The following BRINP2 variants were observed in gnomAD, a reference collection of about 807,000 sequenced individuals.
The protein encoded by BRINP2 is BMP/retinoic acid inducible neural specific 2.
BRINP2 carries 21 observed loss-of-function variants against 69.2 expected under a neutral mutation model. The ratio of observed to expected loss-of-function variants is 0.30; its 90% confidence interval spans 0.22 to 0.44. The LOEUF (loss-of-function observed/expected upper bound fraction) is 0.44. BRINP2 is among the 20% of genes least tolerant of loss of function. The pLI is 1.00. For missense variants in BRINP2, 877 were observed against 986.0 expected (o/e 0.89, Z 1.48); for synonymous variants, 380 against 394.1 (o/e 0.96, Z 0.42).
chr1:177,274,613 T>A (rs1651438039), intron 5 of BRINP2, among the ~76,000 whole-genome samples: 1 of 152,230 alleles, frequency 6.6e-6, no homozygotes, highest in Non-Finnish European at 1.5e-5. Flanking sequence ...GTCTAGTTGT[T>A]CATTTGGAAT....
intron 1 of BRINP2, among the ~76,000 whole-genome samples, chr1:177,198,110 G>T (rs1648797533): frequency 6.6e-6 from 1 of 152,092 alleles, no homozygotes; most frequent in Non-Finnish European, 1.5e-5. Flanking sequence ...AAGAAAATGT[G>T]AACTAAGGTC....
rs527287908 is a variant in BRINP2 at position 177,217,713 on chromosome 1, T to C, written c.-76-12088T>C. On this transcript the variant is annotated intron_variant, in intron 1 of 7. Coordinates refer to ENST00000361539, the MANE Select transcript of BRINP2 (RefSeq NM_021165.4). The stretch of plus-strand genomic sequence containing the variant: ...TGGATGGGTCATTCTGGATGAGTAA[T>C]GATCCTGGAAAGGCAGGCTTGCTTT... Among the ~76,000 whole-genome samples, 21 of 152,304 alleles carry C rather than the reference T, an allele frequency of 1.4e-4. No individual in the cohort carries two copies. In the South Asian group the frequency reaches 4.3e-3, roughly 32 times the overall value.
chr1:177,231,857 A>T (rs1406214941), intron 2 of BRINP2, among the ~76,000 whole-genome samples: 1 of 152,232 alleles, frequency 6.6e-6, no homozygotes, highest in Admixed American at 6.5e-5. Context: ...TGAGTAGAAG[A>T]GGAACAGAGT....
At chr1:177,242,800 C>T (rs1650248624) in intron 2 of BRINP2, among the ~76,000 whole-genome samples, 1 of 152,086 alleles carries the variant, frequency 6.6e-6, no homozygotes, top group South Asian at 2.1e-4. Flanking sequence ...AGGATGAAAC[C>T]ATTCAGTAGG....
intron 1 of BRINP2, among the ~76,000 whole-genome samples, chr1:177,227,281 T>A (rs924959054): frequency 6.6e-6 from 1 of 152,210 alleles, no homozygotes; most frequent in Non-Finnish European, 1.5e-5. Flanking sequence ...TGCCTTGGCC[T>A]CCAGTATCAG....
chr1:177,186,135 C>T (rs1258477336), intron 1 of BRINP2, among the ~76,000 whole-genome samples: 2 of 152,118 alleles, frequency 1.3e-5, no homozygotes, highest in Non-Finnish European at 1.5e-5. Context: ...CTGGCCATCC[C>T]GCTGACAACT....
intron 2 of BRINP2, among the ~76,000 whole-genome samples, chr1:177,241,325 A>G (rs1650200205): frequency 6.6e-6 from 1 of 152,176 alleles, no homozygotes; most frequent in African/African-American, 2.4e-5. Context: ...TCTTTTGGAA[A>G]TCGAATCATA....
chr1:177,274,672 C>T (rs536608923), intron 5 of BRINP2, among the ~76,000 whole-genome samples: 22 of 152,180 alleles, frequency 1.4e-4, no homozygotes, highest in African/African-American at 2.2e-4. Context: ...AGACATTTGT[C>T]GGGGCACTGA....
Position 177,273,471 on chromosome 1 carries a change from A to T in BRINP2, c.670-17A>T. 1 of 1,547,516 alleles carries T rather than the reference A, an allele frequency of 6.5e-7. No homozygotes were observed. Among genetic ancestry groups the T allele is most frequent in the South Asian group, 1.2e-5 (1 of 86,478 alleles). ...CACTTGTTATCTAAACCCACTCCCT[A>T]CTCCTTCCTTCTCTAGGTCACCGAG... On this transcript the variant is annotated splice_polypyrimidine_tract_variant and intron_variant, in intron 4 of 7. Transcript: ENST00000361539.
chr1:177,183,162 T>C (rs951955103), intron 1 of BRINP2, among the ~76,000 whole-genome samples: 1 of 141,252 alleles, frequency 7.1e-6, no homozygotes, highest in African/African-American at 2.6e-5. Context: ...TTTTTTTTTT[T>C]CTTTTTCTGC....
intron 2 of BRINP2, among the ~76,000 whole-genome samples, chr1:177,251,613 C>G (rs1404808777): frequency 6.6e-6 from 1 of 152,112 alleles, no homozygotes; most frequent in Non-Finnish European, 1.5e-5. Flanking sequence ...GAAGGAGGGC[C>G]AGGACACTAG....
chr1:177,212,171 C>T (rs1278657871), intron 1 of BRINP2, among the ~76,000 whole-genome samples: 1 of 152,100 alleles, frequency 6.6e-6, no homozygotes, highest in Non-Finnish European at 1.5e-5. Context: ...ATCTATTTGC[C>T]ATTGTCCTGG....
chr1:177,273,507 G>T lies in BRINP2; in HGVS notation c.689G>T (p.Gly230Val). The change falls in exon 5 of 8, where the codon GGT (glycine) becomes GTT (valine). Residue 230 changes from glycine to valine, a missense_variant. Gly to Val is a moderately radical substitution (Grantham distance 109). Around this residue, in one of 3 missense-constraint regions of BRINP2, gnomAD observed 566 missense variants for 625.2 expected, o/e 0.91. Transcript: ENST00000361539. ...CTCTAGGTCACCGAGACCAGGACCG[G>T]TCCTCTGGGCTGCAGCAACTATGAC... Reference protein sequence around the residue: ...GAIKVTETRTGPLGCSNYDNL... With the variant: ...GAIKVTETRTVPLGCSNYDNL... 1 of 1,610,532 alleles carries T rather than the reference G, an allele frequency of 6.2e-7. No individual in the cohort carries two copies. The highest frequency in any genetic ancestry group is 8.5e-7 in the Non-Finnish European group (1 of 1,178,192).
chr1:177,251,493 C>T (rs368051923), intron 2 of BRINP2, among the ~76,000 whole-genome samples: 1 of 152,170 alleles, frequency 6.6e-6, no homozygotes, highest in Non-Finnish European at 1.5e-5. Flanking sequence ...GTTTTAAGCA[C>T]AACTCTGTCA....
At chr1:177,237,061 G>A (rs1650049640) in intron 2 of BRINP2, among the ~76,000 whole-genome samples, 1 of 152,168 alleles carries the variant, frequency 6.6e-6, no homozygotes, top group East Asian at 1.9e-4. Context: ...GAAAAATGAA[G>A]CGTGAATTCT....
chr1:177,274,766 T>C (rs1330183678), intron 5 of BRINP2, among the ~76,000 whole-genome samples: 1 of 151,994 alleles, frequency 6.6e-6, no homozygotes, highest in East Asian at 1.9e-4. Flanking sequence ...GGGTGAGTGT[T>C]GAAAGCAAGC....
chr1:177,220,256 T>C (rs1309072590), intron 1 of BRINP2, among the ~76,000 whole-genome samples: 2 of 152,104 alleles, frequency 1.3e-5, no homozygotes, highest in Non-Finnish European at 2.9e-5. Context: ...GTGGTGTAAT[T>C]TGGATATTTG....
At chr1:177,192,732 T>G (rs2102297730) in intron 1 of BRINP2, among the ~76,000 whole-genome samples, 1 of 152,344 alleles carries the variant, frequency 6.6e-6, no homozygotes, top group East Asian at 1.9e-4. Context: ...ATTTAAAACT[T>G]ATTTTACCCA....
chr1:177,265,177 C>T (rs901185861), intron 4 of BRINP2, among the ~76,000 whole-genome samples: 1 of 152,130 alleles, frequency 6.6e-6, no homozygotes, highest in Non-Finnish European at 1.5e-5. Context: ...TGATCTTTGA[C>T]AAACCTGACA....
Sources: allele counts gnomAD v4.1 joint callset (sites outside exome capture counted in the v4.1 genomes callset), GRCh38; gene constraint gnomAD v4.1.1; regional missense constraint gnomAD v4.1.1; transcripts MANE v1.5; gene names NCBI Gene and HGNC (gene_info 2026-07-23, HGNC 2026-07-21).